The following ASRGL1 variants were observed in gnomAD, a reference collection of about 807,000 sequenced individuals.
The protein encoded by ASRGL1 is isoaspartyl peptidase/L-asparaginase.
ASRGL1 carries 16 observed loss-of-function variants against 22.4 expected under a neutral mutation model. The ratio of observed to expected loss-of-function variants is 0.71; its 90% CI spans 0.48 to 1.08. The LOEUF (loss-of-function observed/expected upper bound fraction) is 1.08, where lower values mean the gene tolerates loss of function less well. ASRGL1 is among the 50% of genes least tolerant of loss of function. The pLI is 0.00. For missense variants in ASRGL1, 412 were observed against 410.1 expected (o/e 1.00, Z -0.04); for synonymous variants, 165 against 159.3 (o/e 1.04, Z -0.27).
intron 2 of ASRGL1, among the ~76,000 whole-genome samples, chr11:62,344,890 C>G (rs1945975573): frequency 6.6e-6 from 1 of 152,164 alleles, no homozygotes; most frequent in African/African-American, 2.4e-5. Context: ...CCAGCCTCTG[C>G]TAACCATCTT....
intron 4 of ASRGL1, among the ~76,000 whole-genome samples, chr11:62,367,521 G>A (rs1946642549): frequency 6.6e-6 from 1 of 151,856 alleles, no homozygotes; most frequent in South Asian, 2.1e-4. Context: ...GCGCATGCCT[G>A]TAATTCCAGC....
rs1405365488 is a variant in ASRGL1, at chr11:62,337,461, C to G, written c.-202C>G. On this transcript the variant is annotated 5_prime_UTR_variant, in exon 1 of 7. Transcript: ENST00000415229. ...AGGCGCAGAACCGTTGTGACCAGAG[C>G]GGTTGCGGGCTGAGCGGTTTCGAGC... is the stretch of plus-strand genomic sequence containing the variant. The G allele has an allele frequency of 2.5e-5, 4 of 159,816 alleles. No individual in the cohort carries two copies. Among genetic ancestry groups the G allele is most frequent in the Non-Finnish European group, 5.5e-5 (4 of 73,004 alleles). 9.9% of individuals were successfully genotyped at this position (159,816 alleles called of 1,614,324 possible).
intron 4 of ASRGL1, among the ~76,000 whole-genome samples, chr11:62,388,863 A>G (rs1256407081): frequency 6.6e-6 from 1 of 152,082 alleles, no homozygotes; most frequent in African/African-American, 2.4e-5. Flanking sequence ...GGACAAAGAG[A>G]CACAAAATAA....
intron 4 of ASRGL1, among the ~76,000 whole-genome samples, chr11:62,365,067 C>CAAAA (rs771170549): frequency 1.2e-5 from 1 of 82,074 alleles, no homozygotes; most frequent in Non-Finnish European, 2.6e-5. Context: ...AACTCCATCT[C>CAAAA]AAAAAAAAAA....
chr11:62,344,711 C>T (rs1269603087), intron 2 of ASRGL1, among the ~76,000 whole-genome samples: 1 of 151,992 alleles, frequency 6.6e-6, no homozygotes, highest in Non-Finnish European at 1.5e-5. Context: ...TTCATCCCTT[C>T]AAGCATTTAT....
chr11:62,341,038 T>C (rs1168481959), intron 2 of ASRGL1, among the ~76,000 whole-genome samples: 9 of 152,200 alleles, frequency 5.9e-5, no homozygotes, highest in Admixed American at 4.6e-4. Flanking sequence ...ACTGAACTTT[T>C]AAATTTGAAT....
intron 2 of ASRGL1, among the ~76,000 whole-genome samples, chr11:62,346,554 G>A (rs543313534): frequency 1.3e-5 from 2 of 152,294 alleles, no homozygotes; most frequent in South Asian, 2.1e-4. Flanking sequence ...CAGATGTGCC[G>A]CTTTCTGGAA....
At chr11:62,384,027 C>CGTGTGT (rs1424219293) in intron 4 of ASRGL1, among the ~76,000 whole-genome samples, 2 of 135,934 alleles carry the variant, frequency 1.5e-5, no homozygotes, top group Admixed American at 7.6e-5. Context: ...TGTGTGTGCA[C>CGTGTGT]GTGTGTGCGT....
chr11:62,343,006 T>C (rs1945905419), intron 2 of ASRGL1, among the ~76,000 whole-genome samples: 1 of 152,214 alleles, frequency 6.6e-6, no homozygotes, highest in African/African-American at 2.4e-5. Context: ...TGGGTGTTTA[T>C]GTGAACATAA....
chr11:62,344,154 C>T (rs1945950545), intron 2 of ASRGL1, among the ~76,000 whole-genome samples: 1 of 152,086 alleles, frequency 6.6e-6, no homozygotes, highest in East Asian at 1.9e-4. Context: ...CCTCAGCCTC[C>T]TAAAGGGCTG....
At chr11:62,395,896 C>A (rs181070466), downstream of ASRGL1, among the ~76,000 whole-genome samples, 1 of 151,066 alleles carries the variant, frequency 6.6e-6, no homozygotes, top group African/African-American at 2.4e-5. Flanking sequence ...CTCAGCCTCC[C>A]GAGTAGCTGG....
At chr11:62,394,513 T>C (rs975032621), downstream of ASRGL1, among the ~76,000 whole-genome samples, 8 of 151,580 alleles carry the variant, frequency 5.3e-5, no homozygotes, top group Admixed American at 2.0e-4. Flanking sequence ...ATTCAGTCCA[T>C]AACAGGAGGC....
chr11:62,352,352 G>T (rs1195373236), intron 2 of ASRGL1, among the ~76,000 whole-genome samples: 1 of 152,150 alleles, frequency 6.6e-6, no homozygotes, highest in Non-Finnish European at 1.5e-5. Flanking sequence ...TTGGGAGGCC[G>T]AGGTGGGTGG....
At chr11:62,338,504 G>C (rs1252162804) in intron 2 of ASRGL1, among the ~76,000 whole-genome samples, 1 of 152,204 alleles carries the variant, frequency 6.6e-6, no homozygotes, top group Non-Finnish European at 1.5e-5. Flanking sequence ...ACTACTGGGG[G>C]AGGGGGAGTG....
At chr11:62,375,197 A>G (rs1234592099) in intron 4 of ASRGL1, among the ~76,000 whole-genome samples, 1 of 151,774 alleles carries the variant, frequency 6.6e-6, no homozygotes, top group Non-Finnish European at 1.5e-5. Flanking sequence ...TGGGCTTCCT[A>G]ATGGGTTAAA....
chr11:62,342,906 A>C (rs955574360), intron 2 of ASRGL1, among the ~76,000 whole-genome samples: 2 of 152,226 alleles, frequency 1.3e-5, no homozygotes, highest in African/African-American at 4.8e-5. Context: ...CATTGTATGA[A>C]TATACCACAG....
chr11:62,364,612 G>A (rs1406252639), intron 4 of ASRGL1, among the ~76,000 whole-genome samples: 1 of 152,192 alleles, frequency 6.6e-6, no homozygotes, highest in East Asian at 1.9e-4. Context: ...GTCCATCAAT[G>A]AAGAATGGAT....
chr11:62,395,179 C>T (rs1311496304), downstream of ASRGL1, among the ~76,000 whole-genome samples: 1 of 152,194 alleles, frequency 6.6e-6, no homozygotes, highest in Non-Finnish European at 1.5e-5. Context: ...CAAACGCTAG[C>T]AAATGGCCCG....
intron 4 of ASRGL1, among the ~76,000 whole-genome samples, chr11:62,384,699 C>T (rs1406420070): frequency 3.5e-5 from 5 of 141,984 alleles, no homozygotes; most frequent in East Asian, 2.0e-4. Flanking sequence ...GCAGACTGCC[C>T]GAGCTCAGGA....
Sources: allele counts gnomAD v4.1 joint callset (sites outside exome capture counted in the v4.1 genomes callset), GRCh38; gene constraint gnomAD v4.1.1; transcripts MANE v1.5; gene names NCBI Gene and HGNC (gene_info 2026-07-23, HGNC 2026-07-21).